The following HOMER1 variants were observed in gnomAD, a reference collection of about 807,000 sequenced individuals.
The protein encoded by HOMER1 is homer protein homolog 1.
Under a neutral mutation model 48.9 loss-of-function variants are expected in HOMER1, and 3 were observed. The observed-to-expected ratio is 0.06, with a 90% CI of 0.03 to 0.16. The LOEUF (loss-of-function observed/expected upper bound fraction) is 0.16, where lower values mean the gene tolerates loss of function less well. Among genes scored for constraint, HOMER1 ranks in the 10% least tolerant of loss-of-function variants. The pLI, the probability that HOMER1 is intolerant of heterozygous loss-of-function variation, is 1.00. For missense variants in HOMER1, 247 were observed against 411.4 expected (o/e 0.60, Z 3.46); for synonymous variants, 134 against 146.4 (o/e 0.92, Z 0.61).
At position 79,485,058 on chromosome 5, in the gene HOMER1, G is replaced by A. The variant is rs534633914; in HGVS notation, c.5+27712C>T. Among the ~76,000 whole-genome samples, 7 of 150,352 alleles carry A rather than the reference G, an allele frequency of 4.7e-5. No homozygotes were observed. In the South Asian group the frequency reaches 1.5e-3, roughly 32 times the overall value. ...GCTGAGAAACCTGATAACCAATCTT[G>A]TTAGAACTGTGTCAAAAGTAAAACA... On this transcript the variant is annotated intron_variant, in intron 1 of 8. Transcript: ENST00000334082.
chr5:79,448,146 A>G lies in HOMER1; in HGVS notation c.295-1001T>C, dbSNP rs116162175. On this transcript the variant is annotated intron_variant, in intron 3 of 8. Coordinates refer to ENST00000334082, the MANE Select transcript of HOMER1 (RefSeq NM_004272.5). ...TCTTACCTTAAACCTTGTCACTTCT[A>G]CCTATAATGTGTATCTGAGGAAAGT... Among the ~76,000 whole-genome samples the G allele has an allele frequency of 8.5e-3, 1,301 of 152,276 alleles. 18 individuals carry two copies. Among genetic ancestry groups the G allele is most frequent in the African/African-American group, 0.028 (1,166 of 41,566 alleles).
At chr5:79,429,206 A>C (rs1750352928) in intron 5 of HOMER1, among the ~76,000 whole-genome samples, 1 of 152,118 alleles carries the variant, frequency 6.6e-6, no homozygotes, top group Non-Finnish European at 1.5e-5. Context: ...AAATACAAAA[A>C]TTAGCTGGGG....
chr5:79,439,192 G>C, intron 4 of HOMER1, 43 bp from the exon 5 acceptor site: 3 of 1,601,610 alleles, frequency 1.9e-6, no homozygotes, highest in East Asian at 2.2e-5. Context: ...TTACACTTTT[G>C]TTAAAGTACA....
intron 1 of HOMER1, among the ~76,000 whole-genome samples, chr5:79,476,497 TG>T (rs1359792212): frequency 6.6e-6 from 1 of 152,180 alleles, no homozygotes; most frequent in Non-Finnish European, 1.5e-5. Context: ...GTTGCCAGTC[TG>T]GGTCTCCAGA....
At chr5:79,441,475 G>GA (rs1750733945) in intron 4 of HOMER1, among the ~76,000 whole-genome samples, 1 of 152,060 alleles carries the variant, frequency 6.6e-6, no homozygotes, top group African/African-American at 2.4e-5. Flanking sequence ...AAGAAGGGGA[G>GA]AAAGAAAGGG....
At chr5:79,432,753 C>G (rs1206808240) in intron 5 of HOMER1, among the ~76,000 whole-genome samples, 2 of 152,152 alleles carry the variant, frequency 1.3e-5, no homozygotes, top group Non-Finnish European at 2.9e-5. Flanking sequence ...AATATATAAA[C>G]TGCTTCTCAG....
At position 79,374,273 on chromosome 5, in the gene HOMER1, T is replaced by C. The variant is rs986796773; in HGVS notation, c.*1736A>G. ...TATAGGTGAGGAAAATATCCTAAAATAGATGGAGGTAACGTACATGATGTT... is the reference window on the plus strand; with the variant it reads ...TATAGGTGAGGAAAATATCCTAAAACAGATGGAGGTAACGTACATGATGTT... On this transcript the variant is annotated 3_prime_UTR_variant, in exon 9 of 9. Coordinates refer to ENST00000334082, the MANE Select transcript of HOMER1 (RefSeq NM_004272.5). The C allele has an allele frequency of 6.6e-6, 1 of 152,372 alleles. No individual in the cohort carries two copies. Among genetic ancestry groups the C allele is most frequent in the Non-Finnish European group, 1.5e-5 (1 of 67,842 alleles). 9.4% of individuals were successfully genotyped at this position (152,372 alleles called of 1,614,324 possible). A position where few individuals can be genotyped will look rare whatever the true frequency, so the allele number is the denominator to read the frequency against.
intron 2 of HOMER1, among the ~76,000 whole-genome samples, chr5:79,455,480 G>A (rs904798857): frequency 6.6e-6 from 1 of 152,068 alleles, no homozygotes; most frequent in African/African-American, 2.4e-5. Context: ...CTCTCCTGCC[G>A]CCCTGTGAAG....
chr5:79,449,333 T>C (rs1340780236), intron 3 of HOMER1, among the ~76,000 whole-genome samples: 1 of 152,244 alleles, frequency 6.6e-6, no homozygotes, highest in African/African-American at 2.4e-5. Flanking sequence ...CAGAACTGTT[T>C]ATGGAAGGGC....
At chr5:79,430,672 C>T (rs931657502) in intron 5 of HOMER1, among the ~76,000 whole-genome samples, 2 of 152,216 alleles carry the variant, frequency 1.3e-5, no homozygotes, top group African/African-American at 4.8e-5. Context: ...GGCGTGGTGG[C>T]TCACGCCTGT....
chr5:79,498,835 CT>C (rs368140541), intron 1 of HOMER1, among the ~76,000 whole-genome samples: 1,807 of 133,880 alleles, frequency 0.013, 58 homozygotes, highest in East Asian at 0.12. Context: ...CAGGTCTCCA[CT>C]TTTTTTTTTT....
At chr5:79,477,608 A>C (rs146548584) in intron 1 of HOMER1, among the ~76,000 whole-genome samples, 63 of 152,380 alleles carry the variant, frequency 4.1e-4, no homozygotes, top group African/African-American at 1.3e-3. Context: ...TTTAAAGAGT[A>C]ATCGATACAA....
intron 1 of HOMER1, among the ~76,000 whole-genome samples, chr5:79,467,461 C>T (rs1056723862): frequency 4.0e-5 from 6 of 148,272 alleles, no homozygotes; most frequent in Admixed American, 6.7e-5. Flanking sequence ...TCACCTTCAA[C>T]GAACAATCAT....
At position 79,503,039 on chromosome 5, in the gene HOMER1, G is replaced by T. The variant is rs1278080024; in HGVS notation, c.5+9731C>A. ...TCTGACCTCGTGATCTGCCCGCCTT[G>T]GCCTCCCAAAGTGCTGGGATTACAG... On this transcript the variant is annotated intron_variant, in intron 1 of 8. Coordinates refer to ENST00000334082, the MANE Select transcript of HOMER1 (RefSeq NM_004272.5). Among the ~76,000 whole-genome samples the T allele has an allele frequency of 4.6e-5, 7 of 152,118 alleles. No homozygotes were observed. The East Asian group carries it at 1.2e-3, about 25-fold the overall frequency.
chr5:79,490,824 A>G (rs943772443), intron 1 of HOMER1, among the ~76,000 whole-genome samples: 6 of 151,100 alleles, frequency 4.0e-5, no homozygotes, highest in Non-Finnish European at 8.9e-5. Flanking sequence ...ATGGTGACAC[A>G]AAAGCCTGTA....
intron 1 of HOMER1, chr5:79,511,018 G>GA (rs1344245219): frequency 5.3e-4 from 173 of 324,486 alleles, no homozygotes; most frequent in East Asian, 9.8e-4. Context: ...CTCAGGCAGG[G>GA]AAAAAAAAAT....
intron 8 of HOMER1, among the ~76,000 whole-genome samples, chr5:79,377,503 C>T (rs993728804): frequency 6.6e-6 from 1 of 152,162 alleles, no homozygotes; most frequent in East Asian, 1.9e-4. Context: ...AACTAAGTGA[C>T]TGACACAATT....
intron 5 of HOMER1, among the ~76,000 whole-genome samples, chr5:79,406,215 A>G (rs1311836523): frequency 6.6e-6 from 1 of 152,350 alleles, no homozygotes; most frequent in East Asian, 1.9e-4. Context: ...AGCATTATCC[A>G]GTATTTTCAT....
At chr5:79,399,345 G>C (rs1022978031) in intron 6 of HOMER1, among the ~76,000 whole-genome samples, 1 of 152,186 alleles carries the variant, frequency 6.6e-6, no homozygotes, top group Non-Finnish European at 1.5e-5. Context: ...AGAATTTTAG[G>C]ACTCTGCAGA....
Sources: gnomAD v4.1 joint callset for allele counts (sites outside exome capture counted in the v4.1 genomes callset) on GRCh38, gnomAD v4.1.1 for gene constraint, MANE v1.5 for transcripts, NCBI Gene and HGNC (gene_info 2026-07-23, HGNC 2026-07-21) for gene names.